The following SYN3 variants were observed in gnomAD, a reference collection of about 807,000 sequenced individuals.
SYN3 encodes the protein synapsin-3.
Under a neutral mutation model 65.8 loss-of-function variants are expected in SYN3, and 35 were observed. The ratio of observed to expected loss-of-function variants is 0.53; its 90% CI spans 0.41 to 0.70. The LOEUF (loss-of-function observed/expected upper bound fraction) is 0.70. SYN3 is among the 30% of genes least tolerant of loss of function. The pLI, the probability that SYN3 is intolerant of heterozygous loss-of-function variation, is 0.00. For synonymous variants in SYN3, 270 were observed against 292.9 expected (o/e 0.92, Z 0.80); for missense variants, 680 against 749.0 (o/e 0.91, Z 1.08).
chr22:32,656,264 C>G (rs1460451574), intron 6 of SYN3, among the ~76,000 whole-genome samples: 6 of 152,184 alleles, frequency 3.9e-5, no homozygotes, highest in African/African-American at 1.4e-4. Context: ...CCATTTCTGA[C>G]TCTCTCACTT....
At chr22:32,723,098 T>C (rs189112302) in intron 6 of SYN3, among the ~76,000 whole-genome samples, 193 of 152,268 alleles carry the variant, frequency 1.3e-3, no homozygotes, top group African/African-American at 4.2e-3. Context: ...GACTCAAACC[T>C]GAGCCCTCTG....
chr22:32,705,891 T>C (rs1464894286), intron 6 of SYN3, among the ~76,000 whole-genome samples: 1 of 152,230 alleles, frequency 6.6e-6, no homozygotes, highest in Non-Finnish European at 1.5e-5. Context: ...CTAGTGATTT[T>C]TGTACATTGA....
intron 6 of SYN3, among the ~76,000 whole-genome samples, chr22:32,789,479 G>T (rs978439890): frequency 2.4e-4 from 37 of 152,202 alleles, no homozygotes; most frequent in Non-Finnish European, 2.2e-4. Flanking sequence ...TCATTGTGCA[G>T]TGGGTCTGTC....
chr22:32,993,502 C>A (rs1479592528), intron 2 of SYN3, among the ~76,000 whole-genome samples: 2 of 152,152 alleles, frequency 1.3e-5, no homozygotes, highest in African/African-American at 4.8e-5. Context: ...GCCGCCACCA[C>A]GCCCTGCTAA....
intron 7 of SYN3, among the ~76,000 whole-genome samples, chr22:32,557,184 G>A (rs912305185): frequency 2.0e-5 from 3 of 151,974 alleles, no homozygotes; most frequent in Admixed American, 6.6e-5. Flanking sequence ...GATTATTAAG[G>A]TACCATTTCT....
At chr22:32,822,946 G>A (rs895399667) in intron 6 of SYN3, among the ~76,000 whole-genome samples, 3 of 152,090 alleles carry the variant, frequency 2.0e-5, no homozygotes, top group Non-Finnish European at 4.4e-5. Context: ...AAAACAGAGA[G>A]AGAGAGATGA....
At chr22:32,527,071 C>T (rs1022175857) in intron 12 of SYN3, among the ~76,000 whole-genome samples, 1 of 152,160 alleles carries the variant, frequency 6.6e-6, no homozygotes, top group Admixed American at 6.5e-5. Context: ...AATAGTTTGT[C>T]CATTCTCTAA....
chr22:32,619,313 C>A (rs186271991), intron 6 of SYN3, among the ~76,000 whole-genome samples: 212 of 152,304 alleles, frequency 1.4e-3, no homozygotes, highest in Non-Finnish European at 2.6e-3. Flanking sequence ...GGCACATAGA[C>A]CTGAAATCCT....
intron 7 of SYN3, among the ~76,000 whole-genome samples, chr22:32,596,291 G>A (rs1230122691): frequency 1.3e-5 from 2 of 152,180 alleles, no homozygotes; most frequent in African/African-American, 4.8e-5. Flanking sequence ...AGAGCAGCGT[G>A]AGAATGGACT....
At chr22:32,911,981 T>C (rs1307948887) in intron 4 of SYN3, among the ~76,000 whole-genome samples, 3 of 152,236 alleles carry the variant, frequency 2.0e-5, no homozygotes, top group African/African-American at 7.2e-5. Context: ...TGTCGAACTT[T>C]GGGCAAGACA....
intron 6 of SYN3, among the ~76,000 whole-genome samples, chr22:32,857,600 C>T (rs185538566): frequency 2.6e-4 from 39 of 152,322 alleles, no homozygotes; most frequent in South Asian, 1.7e-3. Flanking sequence ...TTTGTAGCTT[C>T]TCAACTTTAC....
intron 6 of SYN3, among the ~76,000 whole-genome samples, chr22:32,769,514 GTTTGTT>G (rs2045712635): frequency 1.8e-5 from 1 of 54,282 alleles, no homozygotes; most frequent in African/African-American, 1.7e-4. Context: ...TGACTTCTGT[GTTTGTT>G]TTTTTTTTTT....
chr22:32,732,119 C>A (rs1264965062), intron 6 of SYN3, among the ~76,000 whole-genome samples: 1 of 152,184 alleles, frequency 6.6e-6, no homozygotes, highest in African/African-American at 2.4e-5. Context: ...GATGCAAGCA[C>A]CTTCACTTGC....
intron 6 of SYN3, among the ~76,000 whole-genome samples, chr22:32,633,552 G>T (rs913940942): frequency 7.9e-5 from 12 of 152,198 alleles, no homozygotes; most frequent in Non-Finnish European, 1.5e-4. Flanking sequence ...GAAGGCCTTT[G>T]GGCCTCAGGT....
rs1569355322 is a variant in SYN3 at position 32,956,063 on chromosome 22, A to ATATATATATATAT, written c.369+24581_369+24582insATATATATATATA. Among the ~76,000 whole-genome samples, 16 of 81,078 alleles carry ATATATATATATAT rather than the reference A, an allele frequency of 2.0e-4. No individual in the cohort carries two copies. In the East Asian group the frequency reaches 3.2e-3, roughly 16 times the overall value. The allele number at this position is 81,078 out of a possible 152,430, so 53.2% of individuals were successfully genotyped here. A position where few individuals can be genotyped will look rare whatever the true frequency, so the allele number is the denominator to read the frequency against. On this transcript the variant is annotated intron_variant, in intron 3 of 13. Transcript: ENST00000358763. ...TCACATATATATATATATATATATA[A>ATATATATATATAT]AATCTCCTATTAGTTCTGTCCCTGT...
chr22:32,636,920 A>G (rs1418251148), intron 6 of SYN3, among the ~76,000 whole-genome samples: 1 of 152,142 alleles, frequency 6.6e-6, no homozygotes, highest in African/African-American at 2.4e-5. Context: ...CTTTTTGAAA[A>G]AATAAAATTA....
At chr22:32,665,896 C>T (rs2060283293) in intron 6 of SYN3, among the ~76,000 whole-genome samples, 1 of 152,136 alleles carries the variant, frequency 6.6e-6, no homozygotes, top group African/African-American at 2.4e-5. Flanking sequence ...TGAATTTGTT[C>T]TAACATGTCT....
intron 7 of SYN3, among the ~76,000 whole-genome samples, chr22:32,568,355 G>T (rs1003847410): frequency 1.3e-5 from 2 of 152,158 alleles, no homozygotes; most frequent in Non-Finnish European, 2.9e-5. Flanking sequence ...TTTATTGAGG[G>T]TACTGTGCTA....
At chr22:32,887,339 C>T (rs2049320996) in intron 4 of SYN3, among the ~76,000 whole-genome samples, 2 of 151,880 alleles carry the variant, frequency 1.3e-5, no homozygotes, top group South Asian at 2.1e-4. Context: ...GATCACTCCA[C>T]TGCACTTCAG....
Sources: gnomAD v4.1 joint callset for allele counts (sites outside exome capture counted in the v4.1 genomes callset) on GRCh38, gnomAD v4.1.1 for gene constraint, MANE v1.5 for transcripts, NCBI Gene and HGNC (gene_info 2026-07-23, HGNC 2026-07-21) for gene names.